The following ESM1 variants were observed in gnomAD, a reference collection of about 807,000 sequenced individuals.
The protein encoded by ESM1 is endothelial cell specific molecule 1.
ESM1 carries 7 observed loss-of-function variants against 14.9 expected under a neutral mutation model. That is an observed-to-expected ratio of 0.47 (90% CI 0.27 to 0.88). ESM1 has a LOEUF of 0.88. ESM1 is among the 40% of genes least tolerant of loss of function. The pLI is 0.14. For missense variants in ESM1, 192 were observed against 237.9 expected (o/e 0.81, Z 1.27); for synonymous variants, 89 against 89.4 (o/e 1.00, Z 0.02).
chr5:54,985,186 G>T, intron 1 of ESM1, 31 bp downstream of exon 1: 3 of 1,555,442 alleles, frequency 1.9e-6, no homozygotes, highest in Non-Finnish European at 2.6e-6. Context: ...AGCATGCCCC[G>T]GGAGGGGAGA....
In ESM1 at chr5:54,982,126, C is replaced by T. The variant is rs945781092; in HGVS notation, c.322G>A (p.Gly108Arg). The T allele has an allele frequency of 3.7e-6, 6 of 1,614,136 alleles. No individual in the cohort carries two copies. The highest frequency in any genetic ancestry group is 5.1e-6 in the Non-Finnish European group (6 of 1,180,016). The change falls in exon 2 of 3, where the codon GGG becomes AGG. Residue 108 changes from glycine (G) to arginine (R), a missense_variant. By Grantham distance (125) the Gly-to-Arg change is moderately radical (BLOSUM62 -2). Transcript: ENST00000381405. Reference protein sequence around the residue: ...ICKDCPYGTFGMDCRETCNCQ... With the variant: ...ICKDCPYGTFRMDCRETCNCQ... ...TTGCAGGTCTCTCTGCAATCCATCC[C>T]GAAGGTGCCGTAGGGACAGTCTGGG...
Position 54,985,496 on chromosome 5 carries a change from T to C in ESM1, c.22A>G (p.Thr8Ala), listed in dbSNP as rs1452672598. 1.2e-6 allele frequency: 2 copies of C among 1,600,486 alleles called. No individual in the cohort carries two copies. The highest frequency in any genetic ancestry group is 2.2e-5 in the East Asian group (1 of 44,508). ...AGGTGTGCAGGCACGAGGAGCGTGG[T>C]CAGCAGCAAGACGCTCTTCATGTTT... is the stretch of plus-strand genomic sequence containing the variant. Reference protein sequence around the residue: MKSVLLLTTLLVPAHLVA... With the variant: MKSVLLLATLLVPAHLVA... The change falls in exon 1 of 3, where the codon ACC (threonine) becomes GCC (alanine). Residue 8 changes from threonine (T) to alanine (A), a missense_variant. Thr to Ala is a moderately conservative substitution (Grantham distance 58, BLOSUM62 0). Coordinates refer to ENST00000381405, the MANE Select transcript of ESM1 (RefSeq NM_007036.5).
intron 2 of ESM1, among the ~76,000 whole-genome samples, chr5:54,980,196 A>G (rs1351024278): frequency 1.3e-5 from 2 of 152,202 alleles, no homozygotes; most frequent in Non-Finnish European, 2.9e-5. Flanking sequence ...CTGCCAAAAA[A>G]AAGAACACCA....
chr5:54,985,173 C>T (rs748028571), intron 1 of ESM1, 44 bp downstream of exon 1: 3 of 1,534,924 alleles, frequency 2.0e-6, no homozygotes. Flanking sequence ...GCTAAAAGCT[C>T]TCAGCATGCC....
chr5:54,985,432 G>C lies in ESM1; in HGVS notation c.86C>G (p.Pro29Arg). ...AWSNNYAVDCPQHCDSSECKS... is the reference protein window; with the variant it reads ...AWSNNYAVDCRQHCDSSECKS... ...GCACTCACTGCTGTCACAGTGTTGA[G>C]GGCAGTCCACCGCATAATTATTGCT... Residue 29 changes from proline (P) to arginine (R), a missense_variant, in exon 1 of 3, where the codon CCT becomes CGT. By Grantham distance (103) the Pro-to-Arg change is moderately radical. Transcript: ENST00000381405. The C allele has an allele frequency of 6.2e-7, 1 of 1,614,012 alleles. No homozygotes were observed. Among genetic ancestry groups the C allele is most frequent in the Non-Finnish European group, 8.5e-7 (1 of 1,179,920 alleles).
chr5:54,983,496 AT>A (rs1740437958), intron 1 of ESM1, among the ~76,000 whole-genome samples: 1 of 152,358 alleles, frequency 6.6e-6, no homozygotes, highest in Admixed American at 6.5e-5. Flanking sequence ...TTTAGAAGAC[AT>A]TTGGATACGC....
intron 2 of ESM1, among the ~76,000 whole-genome samples, chr5:54,980,862 T>C (rs1220445078): frequency 6.6e-6 from 1 of 152,238 alleles, no homozygotes; most frequent in East Asian, 1.9e-4. Context: ...GTTTATATTT[T>C]ATTAACTTGA....
At chr5:54,982,282 A>G (rs1381297707) in intron 1 of ESM1, 136 bp from the exon 2 acceptor site, 2 of 797,548 alleles carry the variant, frequency 2.5e-6, no homozygotes, top group Non-Finnish European at 3.9e-6. Flanking sequence ...CAATTCTCCA[A>G]ACCCAGGATT....
At chr5:54,980,392 G>A (rs1744030736) in intron 2 of ESM1, among the ~76,000 whole-genome samples, 1 of 152,188 alleles carries the variant, frequency 6.6e-6, no homozygotes, top group Admixed American at 6.5e-5. Context: ...TGTGTCAGGA[G>A]TGAAGCCCAA....
intron 2 of ESM1, among the ~76,000 whole-genome samples, chr5:54,981,363 G>C (rs1008460631): frequency 2.6e-5 from 4 of 152,286 alleles, no homozygotes; most frequent in Admixed American, 2.6e-4. Context: ...CTCATAGGTT[G>C]TGTATTCCTC....
In ESM1 at chr5:54,985,554, G is replaced by C. The variant is rs768879110; in HGVS notation, c.-37C>G. 10 of 1,549,522 alleles carry C rather than the reference G, an allele frequency of 6.5e-6. No individual in the cohort carries two copies. In the Admixed American group the frequency reaches 1.1e-4, roughly 16 times the overall value. The stretch of plus-strand genomic sequence containing the variant: ...GCCTCCGGCTCGGCTCTCCAGTCGT[G>C]GTCTTTGCTGGTGGGAAGCAGCCGT... On this transcript the variant is annotated 5_prime_UTR_variant, in exon 1 of 3. Transcript: ENST00000381405.
In ESM1 at chr5:54,985,371, G is replaced by A. The variant is rs750763019; in HGVS notation, c.147C>T (p.Asp49=). 58 of 1,614,074 alleles carry A rather than the reference G, an allele frequency of 3.6e-5. No individual in the cohort carries two copies. Among genetic ancestry groups the A allele is most frequent in the Non-Finnish European group, 4.4e-5 (52 of 1,180,042 alleles). Residue 49 remains aspartate, a synonymous_variant, in exon 1 of 3, where the codon GAC becomes GAT. Coordinates refer to ENST00000381405, the MANE Select transcript of ESM1 (RefSeq NM_007036.5). ...CGCACACTCGGCAGCAGCCACAGTC[G>A]TCGAGCACTGTCCTCTTGCAGCGCG... ...SSPRCKRTVL[D]DCGCCRVCAA...
rs903828314 is a variant in ESM1 at position 54,984,106 on chromosome 5, T to A, written c.301+1111A>T. 1.1e-4 allele frequency among the ~76,000 whole-genome samples: 16 copies of A among 152,166 alleles called. 1 individual carries two copies. Among genetic ancestry groups the A allele is most frequent in the South Asian group, 6.2e-4 (3 of 4,828 alleles). ...AAGAATTTGTTTTTTTAATTTTGTA[T>A]GTCTTGCAAATTAAAAGATGATTAA... On this transcript the variant is annotated intron_variant, in intron 1 of 2. Transcript: ENST00000381405.
At chr5:54,982,470 A>AT (rs1448346016) in intron 1 of ESM1, among the ~76,000 whole-genome samples, 1 of 152,228 alleles carries the variant, frequency 6.6e-6, no homozygotes, top group Non-Finnish European at 1.5e-5. Context: ...ATTCTCACAG[A>AT]TGACCTCTGT....
At chr5:54,979,866 G>T (rs1376192192) in intron 2 of ESM1, among the ~76,000 whole-genome samples, 2 of 152,194 alleles carry the variant, frequency 1.3e-5, no homozygotes, top group African/African-American at 4.8e-5. Flanking sequence ...ACACTAACTG[G>T]TATGAAAGAC....
At chr5:54,980,557 A>G (rs919618665) in intron 2 of ESM1, among the ~76,000 whole-genome samples, 4 of 152,196 alleles carry the variant, frequency 2.6e-5, no homozygotes, top group Non-Finnish European at 4.4e-5. Flanking sequence ...CCAAGATCAC[A>G]CTAAAAATCA....
At position 54,985,380 on chromosome 5, in the gene ESM1, T is replaced by G. The variant is rs1740514710; in HGVS notation, c.138A>C (p.Thr46=). 1.9e-6 allele frequency: 3 copies of G among 1,614,112 alleles called. No individual in the cohort carries two copies. The South Asian group carries it at 3.3e-5, about 18-fold the overall frequency. The change falls in exon 1 of 3, where the codon ACA becomes ACC. Residue 46 remains threonine, a synonymous_variant. Transcript: ENST00000381405. ...ECKSSPRCKR[T]VLDDCGCCRV... is the part of the protein sequence containing the mutation. ...GGCAGCAGCCACAGTCGTCGAGCAC[T>G]GTCCTCTTGCAGCGCGGGCTGCTTT...
intron 2 of ESM1, among the ~76,000 whole-genome samples, chr5:54,979,895 T>C (rs1744018226): frequency 6.6e-6 from 1 of 152,224 alleles, no homozygotes; most frequent in African/African-American, 2.4e-5. Context: ...TTTTGCTGCA[T>C]CCAGAAGGCA....
intron 1 of ESM1, 59 bp downstream of exon 1, chr5:54,985,158 A>C: frequency 1.3e-6 from 2 of 1,496,944 alleles, no homozygotes; most frequent in Non-Finnish European, 1.8e-6. Flanking sequence ...TCACCTCCCA[A>C]GCTGGCTAAA....
Sources: allele counts gnomAD v4.1 joint callset (sites outside exome capture counted in the v4.1 genomes callset), GRCh38; gene constraint gnomAD v4.1.1; transcripts MANE v1.5; gene names NCBI Gene and HGNC (gene_info 2026-07-23, HGNC 2026-07-21).